Variants in VIPAS39 observed in about 807,000 individuals in gnomAD.
VIPAS39 encodes the protein VPS33B interacting protein, apical-basolateral polarity regulator, spe-39 homolog.
Under a neutral mutation model 84.7 loss-of-function variants are expected in VIPAS39, and 63 were observed. That is an observed-to-expected ratio of 0.74 (90% CI 0.61 to 0.92). VIPAS39 has a LOEUF of 0.92. VIPAS39 is among the 40% of genes least tolerant of loss of function. The probability of loss-of-function intolerance (pLI) is 0.00; values close to 1 mark genes in which losing one functional copy is unlikely to be tolerated. For synonymous variants in VIPAS39, 192 were observed against 216.5 expected, an observed-to-expected ratio of 0.89 and a Z score of 0.99; for missense variants, 499 against 604.5, an observed-to-expected ratio of 0.83 and a Z score of 1.83.
At chr14:77,432,783 G>A (rs964291608) in intron 16 of VIPAS39, among the ~76,000 whole-genome samples, 4 of 152,154 alleles carry the variant, frequency 2.6e-5, no homozygotes, top group African/African-American at 7.2e-5. Context: ...TTGTAGTTAT[G>A]CAGGATGAAT....
chr14:77,436,764 A>T (rs2078618685), intron 12 of VIPAS39, among the ~76,000 whole-genome samples: 1 of 152,160 alleles, frequency 6.6e-6, no homozygotes, highest in African/African-American at 2.4e-5. Flanking sequence ...ATACATGAAG[A>T]TGCTGAGGGA....
chr14:77,454,193 C>A, intron 1 of VIPAS39, 91 bp from the exon 2 acceptor site: 3 of 1,182,436 alleles, frequency 2.5e-6, no homozygotes, highest in Non-Finnish European at 3.8e-6. Flanking sequence ...CTAACTGATC[C>A]CAAAAATCAA....
chr14:77,427,704 A>G, intron 19 of VIPAS39, 68 bp from the exon 20 acceptor site: 1 of 1,594,088 alleles, frequency 6.3e-7, no homozygotes, highest in Non-Finnish European at 8.6e-7. Flanking sequence ...AGGCAGAGAA[A>G]ATGCAACAAA....
chr14:77,429,101 G>A lies in VIPAS39; in HGVS notation c.1267-6C>T. ...TTGACATACTCCTGTAATATCTGTGGGAAGAGGTACTTCCGATTAATGATT... is the reference window on the plus strand; with the variant it reads ...TTGACATACTCCTGTAATATCTGTGAGAAGAGGTACTTCCGATTAATGATT... On this transcript the variant is annotated splice_region_variant and splice_polypyrimidine_tract_variant and intron_variant, in intron 17 of 19. Transcript: ENST00000557658. The A allele has an allele frequency of 6.2e-7, 1 of 1,612,958 alleles. No homozygotes were observed. The highest frequency in any genetic ancestry group is 1.1e-5 in the South Asian group (1 of 91,028).
intron 12 of VIPAS39, among the ~76,000 whole-genome samples, chr14:77,436,852 G>A (rs2078620628): frequency 6.6e-6 from 1 of 152,184 alleles, no homozygotes; most frequent in African/African-American, 2.4e-5. Context: ...CCAGTTCACA[G>A]ATATATCTTT....
chr14:77,453,199 G>C (rs1258448633), intron 3 of VIPAS39, 100 bp downstream of exon 3: 37 of 1,176,080 alleles, frequency 3.1e-5, no homozygotes, highest in Non-Finnish European at 4.6e-5. Context: ...TCTTATCCTA[G>C]TCCCTCTCCT....
chr14:77,454,740 G>T (rs1034743874), intron 1 of VIPAS39, among the ~76,000 whole-genome samples: 1 of 151,010 alleles, frequency 6.6e-6, no homozygotes, highest in African/African-American at 2.4e-5. Context: ...TTCAGCATAG[G>T]TATGTATTAA....
Position 77,441,067 on chromosome 14 carries a change from G to T in VIPAS39, c.761C>A (p.Ala254Glu), listed in dbSNP as rs201678794. ...FRFLDRTEEL[A>E]LSHYREHLNI... is the part of the protein sequence containing the mutation. ...AACTGAAACAAAGGCCACACTTACC[G>T]CAAGCTCTTCTGTTCTATCTAGGAA... The change falls in exon 11 of 20, where the codon GCG (alanine) becomes GAG (glutamate). Residue 254 changes from alanine to glutamate, a missense_variant and splice_region_variant. Coordinates refer to ENST00000557658, the MANE Select transcript of VIPAS39 (RefSeq NM_001193315.2). 1.2e-6 allele frequency: 2 copies of T among 1,613,218 alleles called. No homozygotes were observed. Among genetic ancestry groups the T allele is most frequent in the Non-Finnish European group, 8.5e-7 (1 of 1,179,454 alleles).
intron 3 of VIPAS39, 25 bp downstream of exon 3, chr14:77,453,274 C>G (rs2078910704): frequency 1.2e-6 from 2 of 1,607,476 alleles, no homozygotes; most frequent in Non-Finnish European, 1.7e-6. Flanking sequence ...AACATCTATC[C>G]CTGCCTAGGG....
chr14:77,437,503 A>G (rs2078631783), intron 12 of VIPAS39, among the ~76,000 whole-genome samples: 1 of 152,210 alleles, frequency 6.6e-6, no homozygotes, highest in African/African-American at 2.4e-5. Flanking sequence ...AGTACCAAAG[A>G]AGAAGAGAAG....
chr14:77,428,506 A>C (rs768536529), intron 18 of VIPAS39, 32 bp from the exon 19 acceptor site: 1 of 1,601,402 alleles, frequency 6.2e-7, no homozygotes, highest in Non-Finnish European at 8.6e-7. Flanking sequence ...ACAAACCTCC[A>C]ATCAGCCTCT....
At position 77,441,741 on chromosome 14, in the gene VIPAS39, T is replaced by C. The variant is rs79222695; in HGVS notation, c.735-648A>G. 2.2e-3 allele frequency among the ~76,000 whole-genome samples: 329 copies of C among 152,316 alleles called. 1 individual carries two copies. The highest frequency in any genetic ancestry group is 3.2e-3 in the Non-Finnish European group (221 of 68,030). On this transcript the variant is annotated intron_variant, in intron 10 of 19. Coordinates refer to ENST00000557658, the MANE Select transcript of VIPAS39 (RefSeq NM_001193315.2). ...ACCTGCTTTTCCCCACCTCAGTCTT[T>C]TGGGGAGCTCATTGCTGTGCTGGAG...
chr14:77,457,588 G>A lies in VIPAS39; in HGVS notation c.-94C>T. ...TTCAGGCTGTGCAGCTTAGAGAAGG[G>A]GGCGGAAGGGAATAATCGTAGGGCG... On this transcript the variant is annotated 5_prime_UTR_variant, in exon 1 of 20. Coordinates refer to ENST00000557658, the MANE Select transcript of VIPAS39 (RefSeq NM_001193315.2). 1.8e-6 allele frequency: 1 copy of A among 569,578 alleles called. No individual in the cohort carries two copies. Among genetic ancestry groups the A allele is most frequent in the Admixed American group, 3.2e-5 (1 of 31,202 alleles). The allele number at this position is 569,578 out of a possible 1,614,324, so 35.3% of individuals were successfully genotyped here.
At chr14:77,443,056 C>T in intron 9 of VIPAS39, 63 bp downstream of exon 9, 1 of 1,602,508 alleles carries the variant, frequency 6.2e-7, no homozygotes, top group Non-Finnish European at 8.6e-7. Flanking sequence ...AGGCACATGG[C>T]ATTCTCCCCT....
At chr14:77,429,947 G>T (rs1200845531) in intron 16 of VIPAS39, among the ~76,000 whole-genome samples, 180 bp from the exon 17 acceptor site, 1 of 152,236 alleles carries the variant, frequency 6.6e-6, no homozygotes, top group Non-Finnish European at 1.5e-5. Context: ...GAGTGGAAAT[G>T]AATCAGGTTT....
chr14:77,454,745 T>C (rs1383239286), intron 1 of VIPAS39, among the ~76,000 whole-genome samples: 1 of 150,720 alleles, frequency 6.6e-6, no homozygotes, highest in African/African-American at 2.4e-5. Context: ...CATAGGTATG[T>C]ATTAAAAGCA....
At chr14:77,437,420 A>T (rs1235203437) in intron 12 of VIPAS39, among the ~76,000 whole-genome samples, 1 of 152,170 alleles carries the variant, frequency 6.6e-6, no homozygotes, top group Non-Finnish European at 1.5e-5. Context: ...AACACTGAAA[A>T]AATGCATCAG....
Position 77,428,479 on chromosome 14 carries a change from G to A in VIPAS39, c.1357-5C>T, listed in dbSNP as rs1471483884. The A allele has an allele frequency of 1.9e-6, 3 of 1,613,270 alleles. No individual in the cohort carries two copies. In the African/African-American group the frequency reaches 4.0e-5, roughly 22 times the overall value. On this transcript the variant is annotated splice_region_variant and splice_polypyrimidine_tract_variant and intron_variant, in intron 18 of 19. Coordinates refer to ENST00000557658, the MANE Select transcript of VIPAS39 (RefSeq NM_001193315.2). ...ATCCTTCAGGTCCCGGTAGGTCTGTGCATCAAAACAAACAATACAAACCTC... is the reference window on the plus strand; with the variant it reads ...ATCCTTCAGGTCCCGGTAGGTCTGTACATCAAAACAAACAATACAAACCTC...
In VIPAS39 at chr14:77,427,220, ATG is replaced by A. The variant is rs1487137374; in HGVS notation, c.*394_*395del. On this transcript the variant is annotated 3_prime_UTR_variant, in exon 20 of 20. Coordinates refer to ENST00000557658, the MANE Select transcript of VIPAS39 (RefSeq NM_001193315.2). ...GACTTCATTCAGAGCAGAACTGCCA[ATG>A]TCCAGCGCCAAGTCCTGGATCATAA... 1.6e-5 allele frequency: 4 copies of A among 257,566 alleles called. No homozygotes were observed. The highest frequency in any genetic ancestry group is 2.3e-5 in the Non-Finnish European group (3 of 131,420). The allele number at this position is 257,566 out of a possible 1,614,324, so 16.0% of individuals were successfully genotyped here. A position where few individuals can be genotyped will look rare whatever the true frequency, so the allele number is the denominator to read the frequency against.
Sources: allele counts gnomAD v4.1 joint callset (sites outside exome capture counted in the v4.1 genomes callset), GRCh38; gene constraint gnomAD v4.1.1; transcripts MANE v1.5; gene names NCBI Gene and HGNC (gene_info 2026-07-23, HGNC 2026-07-21).